PIK3R1: variants seen among roughly 807,000 people sequenced by gnomAD.
PIK3R1 encodes phosphatidylinositol 3-kinase regulatory subunit alpha.
Under a neutral mutation model 98.0 loss-of-function variants are expected in PIK3R1, and 29 were observed. That is an observed-to-expected ratio of 0.30 (90% CI 0.22 to 0.40). The LOEUF (loss-of-function observed/expected upper bound fraction) is 0.40, where lower values mean the gene tolerates loss of function less well. Ranked by LOEUF, PIK3R1 falls within the 10% of genes least tolerant of loss-of-function variation. PIK3R1 has a pLI of 1.00. For synonymous variants in PIK3R1, 282 were observed against 311.8 expected, an observed-to-expected ratio of 0.90 and a Z score of 1.01; for missense variants, 596 against 872.7, an observed-to-expected ratio of 0.68 and a Z score of 3.99.
Position 68,301,035 on chromosome 5 carries a change from T to C in PIK3R1, c.*3434T>C, listed in dbSNP as rs1748014507. On this transcript the variant is annotated 3_prime_UTR_variant, in exon 16 of 16. Transcript: ENST00000521381. ...GTTTGGGAAGTCCTACTGATGTTCC[T>C]TTGGAAGAAAAAATCTGCTGGTTTT... 4.3e-6 allele frequency: 1 copy of C among 232,336 alleles called. No individual in the cohort carries two copies. Among genetic ancestry groups the C allele is most frequent in the East Asian group, 6.1e-5 (1 of 16,356 alleles). 14.4% of individuals were successfully genotyped at this position (232,336 alleles called of 1,614,324 possible). A position where few individuals can be genotyped will look rare whatever the true frequency, so the allele number is the denominator to read the frequency against.
intron 1 of PIK3R1, among the ~76,000 whole-genome samples, chr5:68,220,275 G>A (rs1744049354): frequency 6.6e-6 from 1 of 152,184 alleles, no homozygotes; most frequent in South Asian, 2.1e-4. Flanking sequence ...TTGCCAAGAA[G>A]TTTACAGAAT....
At chr5:68,227,078 G>T in intron 2 of PIK3R1, 69 bp downstream of exon 2, 2 of 1,404,410 alleles carry the variant, frequency 1.4e-6, no homozygotes. Context: ...TCTTAAGTTT[G>T]GGTTGAGTCG....
intron 2 of PIK3R1, among the ~76,000 whole-genome samples, chr5:68,258,518 C>T (rs1317902512): frequency 6.6e-6 from 1 of 152,168 alleles, no homozygotes; most frequent in Non-Finnish European, 1.5e-5. Context: ...TTAATGACCA[C>T]TAACTTTGTA....
intron 2 of PIK3R1, among the ~76,000 whole-genome samples, chr5:68,244,515 G>T (rs549121847): frequency 8.5e-5 from 1 of 11,808 alleles, no homozygotes; most frequent in Non-Finnish European, 1.3e-4. Context: ...CTCTAGGACC[G>T]CCCCCCCGCC....
At chr5:68,255,709 A>G (rs981706851) in intron 2 of PIK3R1, among the ~76,000 whole-genome samples, 3 of 152,232 alleles carry the variant, frequency 2.0e-5, no homozygotes, top group African/African-American at 7.2e-5. Flanking sequence ...TATCAATGTG[A>G]AAAAGCTGCT....
intron 2 of PIK3R1, among the ~76,000 whole-genome samples, chr5:68,232,773 C>T (rs1334762363): frequency 6.6e-6 from 1 of 152,028 alleles, no homozygotes; most frequent in Non-Finnish European, 1.5e-5. Context: ...TTTCTGTGTT[C>T]TTTTTTCAAA....
chr5:68,245,248 A>G (rs946765144), intron 2 of PIK3R1, among the ~76,000 whole-genome samples: 4 of 152,194 alleles, frequency 2.6e-5, no homozygotes, highest in African/African-American at 9.7e-5. Flanking sequence ...TTATTGCATT[A>G]TACGTGAATA....
chr5:68,279,675 C>T lies in PIK3R1; in HGVS notation c.576C>T (p.Asp192=). Residue 192 remains aspartate (D), a synonymous_variant, in exon 5 of 16, where the codon GAC becomes GAT. Coordinates refer to ENST00000521381, the MANE Select transcript of PIK3R1 (RefSeq NM_181523.3). ...LADAFKRYLL[D]LPNPVIPAAV... is the part of the protein sequence containing the mutation. ...ACGCTTTCAAACGCTATCTCCTGGA[C>T]TTACCAAATCCTGTCATTCCAGCAG... 2 of 1,614,110 alleles carry T rather than the reference C, an allele frequency of 1.2e-6. No individual in the cohort carries two copies. Among genetic ancestry groups the T allele is most frequent in the South Asian group, 2.2e-5 (2 of 91,082 alleles).
intron 6 of PIK3R1, 86 bp downstream of exon 6, chr5:68,280,815 T>G (rs1405422087): frequency 7.8e-7 from 1 of 1,279,914 alleles, no homozygotes; most frequent in Non-Finnish European, 1.1e-6. Context: ...CTGAATATAC[T>G]ACTCCAGAGA....
intron 2 of PIK3R1, among the ~76,000 whole-genome samples, chr5:68,263,963 C>T (rs1414258232): frequency 6.6e-6 from 1 of 152,098 alleles, no homozygotes; most frequent in Non-Finnish European, 1.5e-5. Context: ...ATATACATTA[C>T]AAAATATATA....
intron 1 of PIK3R1, among the ~76,000 whole-genome samples, chr5:68,224,538 T>G (rs185340356): frequency 7.0e-4 from 107 of 152,342 alleles, no homozygotes; most frequent in African/African-American, 2.5e-3. Flanking sequence ...AGTTGAATAC[T>G]TTACACTTCT....
intron 2 of PIK3R1, among the ~76,000 whole-genome samples, chr5:68,239,701 A>T (rs1303884588): frequency 2.0e-5 from 3 of 152,188 alleles, no homozygotes; most frequent in Non-Finnish European, 2.9e-5. Context: ...GTTAATGTTC[A>T]CACTGCTTGA....
intron 2 of PIK3R1, among the ~76,000 whole-genome samples, chr5:68,265,173 C>T (rs796983223): frequency 4.2e-4 from 64 of 152,184 alleles, no homozygotes; most frequent in African/African-American, 1.3e-3. Flanking sequence ...GACTGCACCC[C>T]GACCTCCTGA....
chr5:68,224,884 A>G (rs1744218859), intron 1 of PIK3R1, among the ~76,000 whole-genome samples: 1 of 152,264 alleles, frequency 6.6e-6, no homozygotes, highest in African/African-American at 2.4e-5. Context: ...ATGTTTAAGA[A>G]CAAAAAAGAA....
chr5:68,280,830 T>C, intron 6 of PIK3R1, 97 bp from the exon 7 acceptor site: 15 of 1,254,144 alleles, frequency 1.2e-5, no homozygotes, highest in Non-Finnish European at 1.6e-5. Flanking sequence ...CAGAGATGCA[T>C]GTGCAGATGC....
intron 7 of PIK3R1, among the ~76,000 whole-genome samples, chr5:68,290,366 G>C (rs985056589): frequency 1.3e-5 from 2 of 152,198 alleles, no homozygotes; most frequent in Non-Finnish European, 2.9e-5. Flanking sequence ...ATCAGCTTTT[G>C]TCAACCTGCC....
intron 7 of PIK3R1, among the ~76,000 whole-genome samples, chr5:68,286,198 G>A (rs61512645): frequency 0.023 from 3,558 of 152,246 alleles, 111 homozygotes; most frequent in African/African-American, 0.079. Context: ...TGAGTTTTAC[G>A]AAACTTTGAG....
At chr5:68,240,055 A>G (rs1053211525) in intron 2 of PIK3R1, 20 of 331,084 alleles carry the variant, frequency 6.0e-5, no homozygotes, top group South Asian at 4.2e-4. Flanking sequence ...TTAATGTTGT[A>G]GATAACATTA....
intron 2 of PIK3R1, among the ~76,000 whole-genome samples, chr5:68,260,267 T>C (rs988382215): frequency 6.6e-6 from 1 of 152,154 alleles, no homozygotes; most frequent in Non-Finnish European, 1.5e-5. Context: ...ACAGAGGTTC[T>C]GGAAATGGAG....
Sources: allele counts gnomAD v4.1 joint callset (sites outside exome capture counted in the v4.1 genomes callset), GRCh38; gene constraint gnomAD v4.1.1; transcripts MANE v1.5; gene names NCBI Gene and HGNC (gene_info 2026-07-23, HGNC 2026-07-21).